SLCO1C1: variants seen among roughly 807,000 people sequenced by gnomAD.
The protein encoded by SLCO1C1 is OAT-RP-5.
SLCO1C1 carries 70 observed loss-of-function variants against 76.4 expected under a neutral mutation model. The observed-to-expected ratio is 0.92, with a 90% confidence interval of 0.76 to 1.12. The LOEUF (loss-of-function observed/expected upper bound fraction) is 1.12, where lower values mean the gene tolerates loss of function less well. SLCO1C1 is among the 50% of genes most tolerant of loss of function. The pLI, the probability that SLCO1C1 is intolerant of heterozygous loss-of-function variation, is 0.00. For synonymous variants in SLCO1C1, 306 were observed against 286.1 expected (o/e 1.07, Z -0.70); for missense variants, 912 against 823.8 (o/e 1.11, Z -1.31).
At chr12:20,735,332 T>C (rs1385521799) in intron 10 of SLCO1C1, among the ~76,000 whole-genome samples, 4 of 152,124 alleles carry the variant, frequency 2.6e-5, no homozygotes, top group African/African-American at 9.7e-5. Context: ...CAGGGTTCAG[T>C]TTCCAGGTTT....
chr12:20,750,651 A>T (rs757468558), intron 13 of SLCO1C1, 24 bp from the exon 14 acceptor site: 1 of 1,596,744 alleles, frequency 6.3e-7, no homozygotes, highest in African/African-American at 1.3e-5. Context: ...TGTTTTTAAC[A>T]GCAATTATTT....
intron 10 of SLCO1C1, among the ~76,000 whole-genome samples, chr12:20,735,070 G>T (rs1295155002): frequency 6.6e-6 from 1 of 152,124 alleles, no homozygotes; most frequent in Non-Finnish European, 1.5e-5. Flanking sequence ...CTTCAGAAAA[G>T]ATGTATCCCA....
At chr12:20,726,056 G>GT (rs1167583766) in intron 9 of SLCO1C1, among the ~76,000 whole-genome samples, 3 of 152,026 alleles carry the variant, frequency 2.0e-5, no homozygotes, top group East Asian at 1.9e-4. Flanking sequence ...CCGACTAAGC[G>GT]TAAGTGGGCC....
intron 6 of SLCO1C1, among the ~76,000 whole-genome samples, chr12:20,716,503 G>T (rs1392686027): frequency 6.6e-6 from 1 of 152,194 alleles, no homozygotes; most frequent in African/African-American, 2.4e-5. Context: ...ATATTTGGAA[G>T]GGAAGAACTA....
intron 3 of SLCO1C1, among the ~76,000 whole-genome samples, chr12:20,703,996 G>A (rs1946657191): frequency 7.1e-6 from 1 of 141,806 alleles, no homozygotes; most frequent in Non-Finnish European, 1.5e-5. Context: ...TGCATAGACA[G>A]ACAGAAAAAG....
chr12:20,706,881 C>T (rs1438052094), intron 4 of SLCO1C1, among the ~76,000 whole-genome samples: 1 of 152,092 alleles, frequency 6.6e-6, no homozygotes, highest in Non-Finnish European at 1.5e-5. Flanking sequence ...GAAATGACTA[C>T]CAAAAGGTTT....
intron 11 of SLCO1C1, among the ~76,000 whole-genome samples, 170 bp from the exon 12 acceptor site, chr12:20,740,014 G>C (rs892508533): frequency 6.6e-6 from 1 of 152,088 alleles, no homozygotes; most frequent in African/African-American, 2.4e-5. Context: ...ATGAAATGTT[G>C]TATCTATATA....
chr12:20,706,739 G>A (rs1946797483), intron 4 of SLCO1C1, among the ~76,000 whole-genome samples: 1 of 152,070 alleles, frequency 6.6e-6, no homozygotes, highest in Non-Finnish European at 1.5e-5. Context: ...AAAGTTTGAT[G>A]ACTTTTGTAA....
chr12:20,727,953 T>C (rs1462212308), intron 9 of SLCO1C1, among the ~76,000 whole-genome samples: 1 of 152,236 alleles, frequency 6.6e-6, no homozygotes, highest in African/African-American at 2.4e-5. Flanking sequence ...GTGAATGTTT[T>C]CTCCCATTCT....
At chr12:20,709,097 A>G (rs1326619851) in intron 4 of SLCO1C1, among the ~76,000 whole-genome samples, 1 of 152,202 alleles carries the variant, frequency 6.6e-6, no homozygotes, top group Non-Finnish European at 1.5e-5. Flanking sequence ...AGGCTACTGC[A>G]AAATTTCATA....
chr12:20,749,852 A>T (rs1238578129), intron 13 of SLCO1C1, among the ~76,000 whole-genome samples: 1 of 152,248 alleles, frequency 6.6e-6, no homozygotes, highest in South Asian at 2.1e-4. Context: ...TTAGTTTATC[A>T]AAATGAACTG....
At chr12:20,734,610 C>T (rs1208668505) in intron 10 of SLCO1C1, among the ~76,000 whole-genome samples, 2 of 152,176 alleles carry the variant, frequency 1.3e-5, no homozygotes, top group Admixed American at 6.6e-5. Context: ...GGGGTTTGAA[C>T]ACAGGCGTGA....
chr12:20,708,960 T>C (rs1450387809), intron 4 of SLCO1C1, among the ~76,000 whole-genome samples: 1 of 152,188 alleles, frequency 6.6e-6, no homozygotes, highest in Non-Finnish European at 1.5e-5. Context: ...CTGAATGAGA[T>C]GCGAAGTTTT....
In SLCO1C1 at chr12:20,695,349, T is replaced by G. The variant is rs1450936272; in HGVS notation, c.-484T>G. The G allele has an allele frequency of 1.3e-5, 2 of 152,154 alleles. No individual in the cohort carries two copies. Among genetic ancestry groups the G allele is most frequent in the Admixed American group, 1.3e-4 (2 of 15,268 alleles). 9.4% of individuals were successfully genotyped at this position (152,154 alleles called of 1,614,324 possible). On this transcript the variant is annotated 5_prime_UTR_variant, in exon 1 of 15. Transcript: ENST00000266509. ...CTTCTGTTCCTTACCCTCTGCCCCC[T>G]GCGGAGTTGTGTTTTCTGGGAATCA...
intron 6 of SLCO1C1, 34 bp from the exon 7 acceptor site, chr12:20,717,098 G>C (rs768912617): frequency 8.2e-6 from 12 of 1,463,078 alleles, no homozygotes; most frequent in Non-Finnish European, 1.0e-5. Flanking sequence ...AGAAATGACA[G>C]CTTTTTTTTT....
chr12:20,722,837 C>A (rs1403687481), intron 8 of SLCO1C1, among the ~76,000 whole-genome samples: 1 of 152,172 alleles, frequency 6.6e-6, no homozygotes, highest in African/African-American at 2.4e-5. Flanking sequence ...TTGTCTGACT[C>A]CTACCTTTAA....
intron 1 of SLCO1C1, among the ~76,000 whole-genome samples, chr12:20,699,201 C>T (rs917629974): frequency 2.6e-5 from 4 of 151,870 alleles, no homozygotes; most frequent in Non-Finnish European, 4.4e-5. Flanking sequence ...AGTTGAATTC[C>T]TCTTCTTCCT....
intron 14 of SLCO1C1, among the ~76,000 whole-genome samples, chr12:20,751,510 G>A (rs1273254139): frequency 2.6e-5 from 4 of 152,164 alleles, no homozygotes; most frequent in African/African-American, 4.8e-5. Context: ...CATCTAAGTT[G>A]GATGTGAATT....
intron 6 of SLCO1C1, among the ~76,000 whole-genome samples, 169 bp from the exon 7 acceptor site, chr12:20,716,963 G>A (rs1947390354): frequency 6.6e-6 from 1 of 152,032 alleles, no homozygotes; most frequent in Non-Finnish European, 1.5e-5. Context: ...AGCAGTGAAG[G>A]ACTTATTTCC....
Sources: gnomAD v4.1 joint callset for allele counts (sites outside exome capture counted in the v4.1 genomes callset) on GRCh38, gnomAD v4.1.1 for gene constraint, MANE v1.5 for transcripts, NCBI Gene and HGNC (gene_info 2026-07-23, HGNC 2026-07-21) for gene names.